INPP4A: variants seen among roughly 807,000 people sequenced by gnomAD.
INPP4A encodes inositol polyphosphate-4-phosphatase, type I, 107kD.
INPP4A carries 33 observed loss-of-function variants against 119.8 expected under a neutral mutation model. That is an observed-to-expected ratio of 0.28 (90% CI 0.21 to 0.37). INPP4A has a LOEUF of 0.37. INPP4A is among the 10% of genes least tolerant of loss of function. INPP4A has a pLI of 1.00. For missense variants in INPP4A, 956 were observed against 1,289.9 expected, an observed-to-expected ratio of 0.74 and a Z score of 3.97; for synonymous variants, 496 against 500.7, an observed-to-expected ratio of 0.99 and a Z score of 0.12.
chr2:98,567,537 C>G (rs911781703), intron 21 of INPP4A, among the ~76,000 whole-genome samples: 2 of 152,172 alleles, frequency 1.3e-5, no homozygotes, highest in Non-Finnish European at 2.9e-5. Context: ...ATGATGGTGC[C>G]TGCATCCAGT....
chr2:98,555,362 C>T (rs1481549485), intron 15 of INPP4A, among the ~76,000 whole-genome samples, 191 bp from the exon 16 acceptor site: 1 of 152,198 alleles, frequency 6.6e-6, no homozygotes, highest in East Asian at 1.9e-4. Flanking sequence ...CGCAGGACAT[C>T]GATTCATCGT....
At position 98,546,609 on chromosome 2, in the gene INPP4A, A is replaced by G. The variant is rs762891271; in HGVS notation, c.1078A>G (p.Ile360Val). Residue 360 changes from isoleucine (I) to valine (V), a missense_variant, in exon 13 of 25, where the codon ATT (isoleucine) becomes GTT (valine). Coordinates refer to ENST00000409851, the MANE Select transcript of INPP4A (RefSeq NM_001134225.2). The surrounding 1 kb of genome is among the most constrained non-coding windows in gnomAD (Gnocchi z 4.2). ...GSDQNYDIVT[I>V]GAPAAHCQGF... is the part of the protein sequence containing the mutation. Reference sequence around the variant, plus strand: ...AGATCAGAACTACGACATCGTCACCATTGGGGCGCCAGCAGCACACTGCCA... The same window carrying G: ...AGATCAGAACTACGACATCGTCACCGTTGGGGCGCCAGCAGCACACTGCCA... The G allele has an allele frequency of 6.2e-7, 1 of 1,613,578 alleles. No individual in the cohort carries two copies. Among genetic ancestry groups the G allele is most frequent in the Non-Finnish European group, 8.5e-7 (1 of 1,179,624 alleles).
intron 1 of INPP4A, among the ~76,000 whole-genome samples, chr2:98,460,619 G>C (rs1171149796): frequency 3.3e-5 from 5 of 152,194 alleles, no homozygotes; most frequent in Non-Finnish European, 7.3e-5. Flanking sequence ...AATAATGCCT[G>C]TGCTCTAACC....
chr2:98,586,714 C>T (rs1322383732), intron 24 of INPP4A, among the ~76,000 whole-genome samples: 1 of 152,198 alleles, frequency 6.6e-6, no homozygotes, highest in African/African-American at 2.4e-5. Flanking sequence ...GAGGATGACG[C>T]TGGTAGTGAG....
Position 98,563,469 on chromosome 2 carries a change from A to G in INPP4A, c.1860A>G (p.Glu620=), listed in dbSNP as rs1409527861. The G allele has an allele frequency of 2.7e-5, 44 of 1,612,184 alleles. No individual in the cohort carries two copies. The highest frequency in any genetic ancestry group is 3.6e-5 in the Non-Finnish European group (43 of 1,179,078). The change falls in exon 18 of 25, where the codon GAA becomes GAG. Residue 620 remains glutamate, a synonymous_variant. Coordinates refer to ENST00000409851, the MANE Select transcript of INPP4A (RefSeq NM_001134225.2). Reference sequence around the variant, plus strand: ...ACCCCTTCGCTTGTGCCCCAGGTGAATGGAGTGAGGCCCTTTACCCGCTGC... The same window carrying G: ...ACCCCTTCGCTTGTGCCCCAGGTGAGTGGAGTGAGGCCCTTTACCCGCTGC... The part of the protein sequence containing the change: ...SPPPEESSPG[E]WSEALYPLLT...
intron 1 of INPP4A, among the ~76,000 whole-genome samples, chr2:98,495,653 G>A (rs1201476774): frequency 6.6e-6 from 1 of 152,218 alleles, no homozygotes; most frequent in Non-Finnish European, 1.5e-5. Context: ...TGGATTCAGA[G>A]ATTTTCTGAT....
intron 1 of INPP4A, among the ~76,000 whole-genome samples, chr2:98,500,754 A>G (rs1268134505): frequency 1.3e-5 from 2 of 152,150 alleles, no homozygotes; most frequent in African/African-American, 4.8e-5. Context: ...TGGTAGAGGA[A>G]CCTAATCAGA....
chr2:98,546,034 CACAT>C lies in INPP4A; in HGVS notation c.1019_1022del (p.Ile340LysfsTer3). ...GTTAGAATTTGTTCCCACAAACTTG[CACAT>C]ACAAAGGATGAGAGTTCAAGACGAT... On this transcript the variant is annotated frameshift_variant, in exon 12 of 25. Coordinates refer to ENST00000409851, the MANE Select transcript of INPP4A (RefSeq NM_001134225.2). LOFTEE classifies it high-confidence loss of function. This position sits in a 1 kb window ranked among gnomAD's most constrained non-coding sequence, Gnocchi z 4.2. The C allele has an allele frequency of 6.3e-7, 1 of 1,590,628 alleles. No homozygotes were observed. Among genetic ancestry groups the C allele is most frequent in the Non-Finnish European group, 8.6e-7 (1 of 1,167,808 alleles).
At chr2:98,567,688 TC>T (rs1235002523) in intron 21 of INPP4A, among the ~76,000 whole-genome samples, 1 of 152,130 alleles carries the variant, frequency 6.6e-6, no homozygotes, top group Admixed American at 6.5e-5. Context: ...TGACTTTGTT[TC>T]TTTATTGGCC....
At chr2:98,506,909 A>G (rs1199442512) in intron 1 of INPP4A, among the ~76,000 whole-genome samples, 3 of 152,228 alleles carry the variant, frequency 2.0e-5, no homozygotes, top group African/African-American at 7.2e-5. Context: ...GCAAGCCCTA[A>G]AGCTGCGTTT....
At chr2:98,551,605 C>A (rs559796623) in intron 13 of INPP4A, among the ~76,000 whole-genome samples, 1 of 152,332 alleles carries the variant, frequency 6.6e-6, no homozygotes, top group Non-Finnish European at 1.5e-5. Flanking sequence ...GGGGAAGATT[C>A]TCAGCCCTGA....
intron 1 of INPP4A, among the ~76,000 whole-genome samples, chr2:98,478,184 T>C (rs113290645): frequency 0.026 from 3,882 of 152,076 alleles, 63 homozygotes; most frequent in Middle Eastern, 0.044. Context: ...AATTTGCGGG[T>C]GTTTCCTTTT....
intron 1 of INPP4A, among the ~76,000 whole-genome samples, chr2:98,489,921 A>G (rs1327980691): frequency 7.8e-5 from 10 of 127,618 alleles, no homozygotes; most frequent in Non-Finnish European, 1.4e-4. Flanking sequence ...CTCCTTCCAT[A>G]TGGGATTGAC....
At position 98,566,410 on chromosome 2, in the gene INPP4A, A is replaced by G. The variant is rs948023643; in HGVS notation, c.2420+241A>G. 3.2e-4 allele frequency among the ~76,000 whole-genome samples: 49 copies of G among 152,044 alleles called. No individual in the cohort carries two copies. Among genetic ancestry groups the G allele is most frequent in the Non-Finnish European group, 1.5e-5 (1 of 67,994 alleles). Reference sequence around the variant, plus strand: ...GTGGGAGAGAGAGAGACATGGATGCAATGATGAAGACAGATACAGGGCATT... The same window carrying G: ...GTGGGAGAGAGAGAGACATGGATGCGATGATGAAGACAGATACAGGGCATT... On this transcript the variant is annotated intron_variant, in intron 21 of 24. Transcript: ENST00000409851. This position sits in a 1 kb window ranked among gnomAD's most constrained non-coding sequence, Gnocchi z 4.2.
chr2:98,587,488 A>G lies in INPP4A; in HGVS notation c.2799A>G (p.Arg933=). 6.3e-7 allele frequency: 1 copy of G among 1,591,268 alleles called. No individual in the cohort carries two copies. The change falls in exon 25 of 25, where the codon CGA becomes CGG. Residue 933 remains arginine (R), a synonymous_variant. Coordinates refer to ENST00000409851, the MANE Select transcript of INPP4A (RefSeq NM_001134225.2). ...ALECMRSEGC[R]RENTMKNVGS... is the part of the protein sequence containing the mutation. ...GTTTTTTCCCCAGTGAGGGTTGTCG[A>G]AGAGAAAATACAATGAAGAATGTTG...
chr2:98,467,641 C>G (rs1675067721), intron 1 of INPP4A, among the ~76,000 whole-genome samples: 1 of 152,158 alleles, frequency 6.6e-6, no homozygotes, highest in African/African-American at 2.4e-5. Flanking sequence ...GCTTCTTTTC[C>G]TTAAGTTAGA....
chr2:98,531,144 A>G (rs1368657064), intron 4 of INPP4A, among the ~76,000 whole-genome samples: 3 of 152,234 alleles, frequency 2.0e-5, no homozygotes, highest in Non-Finnish European at 2.9e-5. Flanking sequence ...ACATTGGGAT[A>G]TAAGATTTCA....
intron 4 of INPP4A, among the ~76,000 whole-genome samples, chr2:98,532,786 A>G (rs1219339720): frequency 6.6e-6 from 1 of 152,224 alleles, no homozygotes; most frequent in Non-Finnish European, 1.5e-5. Context: ...TTTCAGCTCC[A>G]TTATAATCTG....
At chr2:98,555,073 A>G (rs1008779518) in intron 15 of INPP4A, among the ~76,000 whole-genome samples, 1 of 152,230 alleles carries the variant, frequency 6.6e-6, no homozygotes, top group Non-Finnish European at 1.5e-5. Flanking sequence ...GCACTGAACT[A>G]TTAATCAGCA....
Sources: allele counts gnomAD v4.1 joint callset (sites outside exome capture counted in the v4.1 genomes callset), GRCh38; gene constraint gnomAD v4.1.1; non-coding constraint Gnocchi (gnomAD v3.1); transcripts MANE v1.5; gene names NCBI Gene and HGNC (gene_info 2026-07-23, HGNC 2026-07-21).